The following SLC4A10 variants were observed in gnomAD, a reference collection of about 807,000 sequenced individuals.
SLC4A10 encodes solute carrier family 4 member 10.
SLC4A10 carries 42 observed loss-of-function variants against 137.7 expected under a neutral mutation model. That is an observed-to-expected ratio of 0.30 (90% CI 0.24 to 0.39). The LOEUF (loss-of-function observed/expected upper bound fraction) is 0.39. Ranked by LOEUF, SLC4A10 falls within the 10% of genes least tolerant of loss-of-function variation. The probability of loss-of-function intolerance (pLI) is 1.00; values close to 1 mark genes in which losing one functional copy is unlikely to be tolerated. For synonymous variants in SLC4A10, 474 were observed against 464.1 expected (o/e 1.02, Z -0.27); for missense variants, 925 against 1,355.0 (o/e 0.68, Z 4.98).
At chr2:161,977,861 G>A (rs1575975024) in intron 26 of SLC4A10, 101 bp downstream of exon 26, 2 of 1,142,474 alleles carry the variant, frequency 1.8e-6, no homozygotes, top group East Asian at 5.4e-5. Context: ...TGTGAGTTTT[G>A]GGGAGGCAAA....
At chr2:161,654,692 A>G (rs1388117216) in intron 1 of SLC4A10, among the ~76,000 whole-genome samples, 1 of 152,020 alleles carries the variant, frequency 6.6e-6, no homozygotes, top group Non-Finnish European at 1.5e-5. Context: ...CCTTATATGC[A>G]TGGGTTTATT....
intron 15 of SLC4A10, among the ~76,000 whole-genome samples, chr2:161,911,542 C>G (rs1024410839): frequency 6.6e-6 from 1 of 151,994 alleles, no homozygotes; most frequent in African/African-American, 2.4e-5. Context: ...CTGTTTCAAC[C>G]TTTTTAAATC....
chr2:161,922,470 C>A (rs1031239007), intron 15 of SLC4A10, among the ~76,000 whole-genome samples: 3 of 151,964 alleles, frequency 2.0e-5, no homozygotes, highest in African/African-American at 7.2e-5. Flanking sequence ...TTAATAGTAA[C>A]AATTTAATTA....
Position 161,894,577 on chromosome 2 carries a change from T to G in SLC4A10, c.1195-102T>G, listed in dbSNP as rs1238954447. On this transcript the variant is annotated intron_variant, in intron 10 of 26. Coordinates refer to ENST00000446997, the MANE Select transcript of SLC4A10 (RefSeq NM_001178015.2). ...AGTCAGAGCTGTCTATTTCTTCAAA[T>G]TGTTATAATCACATGTGAGATAACT... The G allele has an allele frequency of 1.1e-5, 6 of 533,754 alleles. No homozygotes were observed. The East Asian group carries it at 2.5e-4, about 22-fold the overall frequency. 33.1% of individuals were successfully genotyped at this position (533,754 alleles called of 1,614,324 possible). A position where few individuals can be genotyped will look rare whatever the true frequency, so the allele number is the denominator to read the frequency against.
chr2:161,745,786 G>A (rs1559155745), intron 1 of SLC4A10, among the ~76,000 whole-genome samples: 1 of 152,066 alleles, frequency 6.6e-6, no homozygotes, highest in Non-Finnish European at 1.5e-5. Flanking sequence ...TCTGCATTAG[G>A]GGAAACACCA....
chr2:161,921,670 G>A (rs923680565), intron 15 of SLC4A10, among the ~76,000 whole-genome samples: 13 of 152,228 alleles, frequency 8.5e-5, no homozygotes, highest in South Asian at 2.1e-4. Flanking sequence ...GAACCTTGTG[G>A]GACAAGTATT....
At chr2:161,638,856 G>C (rs532561295) in intron 1 of SLC4A10, among the ~76,000 whole-genome samples, 1 of 117,066 alleles carries the variant, frequency 8.5e-6, no homozygotes, top group Non-Finnish European at 1.8e-5. Flanking sequence ...TTTATTTATA[G>C]GTATTTCTTT....
intron 12 of SLC4A10, among the ~76,000 whole-genome samples, chr2:161,901,846 A>G (rs1342772898): frequency 6.6e-6 from 1 of 152,086 alleles, no homozygotes; most frequent in Non-Finnish European, 1.5e-5. Flanking sequence ...GATGGTTCAA[A>G]CAATTTTTTC....
chr2:161,650,199 T>C (rs1397082120), intron 1 of SLC4A10, among the ~76,000 whole-genome samples: 1 of 151,910 alleles, frequency 6.6e-6, no homozygotes, highest in African/African-American at 2.4e-5. Flanking sequence ...TTTTGAATAG[T>C]ACTGGTCAGA....
intron 2 of SLC4A10, among the ~76,000 whole-genome samples, chr2:161,792,181 T>C (rs1024855317): frequency 6.6e-6 from 1 of 152,158 alleles, no homozygotes; most frequent in African/African-American, 2.4e-5. Context: ...AACTGTGTAT[T>C]TGTGCGTATA....
At chr2:161,869,578 ATC>A (rs2060979927) in intron 6 of SLC4A10, among the ~76,000 whole-genome samples, 1 of 151,616 alleles carries the variant, frequency 6.6e-6, no homozygotes, top group African/African-American at 2.4e-5. Flanking sequence ...AATAACCCAA[ATC>A]AAACTTGTTA....
chr2:161,888,298 A>G (rs1448566228), intron 10 of SLC4A10, among the ~76,000 whole-genome samples: 1 of 152,134 alleles, frequency 6.6e-6, no homozygotes, highest in East Asian at 1.9e-4. Context: ...TTCCATATGA[A>G]ATTTAAAGTC....
chr2:161,966,743 A>AAAAAC (rs1697668239), intron 23 of SLC4A10, among the ~76,000 whole-genome samples: 1 of 149,812 alleles, frequency 6.7e-6, no homozygotes. Context: ...CTCAAAAAAA[A>AAAAAC]AAAAAACAAA....
At chr2:161,947,216 C>T (rs1693980027) in intron 16 of SLC4A10, among the ~76,000 whole-genome samples, 1 of 151,966 alleles carries the variant, frequency 6.6e-6, no homozygotes, top group African/African-American at 2.4e-5. Flanking sequence ...AGTGTCTGAC[C>T]TTAGTAACCA....
chr2:161,895,183 G>C (rs1049490319), intron 11 of SLC4A10, among the ~76,000 whole-genome samples: 2 of 151,074 alleles, frequency 1.3e-5, no homozygotes, highest in African/African-American at 4.9e-5. Context: ...TTGCCCTTGC[G>C]ATAGTTTACT....
chr2:161,753,100 G>T (rs911642561), intron 1 of SLC4A10, among the ~76,000 whole-genome samples: 1 of 152,150 alleles, frequency 6.6e-6, no homozygotes, highest in South Asian at 2.1e-4. Context: ...CCTATGCAGA[G>T]AAACAATTTA....
intron 2 of SLC4A10, among the ~76,000 whole-genome samples, chr2:161,772,675 G>A (rs1162629270): frequency 6.6e-6 from 1 of 151,764 alleles, no homozygotes. Flanking sequence ...CAGTGATTAA[G>A]TCATTGGTGA....
intron 15 of SLC4A10, among the ~76,000 whole-genome samples, chr2:161,910,288 A>G (rs1406853876): frequency 1.3e-5 from 2 of 152,120 alleles, no homozygotes; most frequent in African/African-American, 4.8e-5. Context: ...CAGACCTTAT[A>G]TTTGAAAATA....
intron 1 of SLC4A10, among the ~76,000 whole-genome samples, chr2:161,738,298 A>G (rs2047547762): frequency 6.6e-6 from 1 of 152,146 alleles, no homozygotes; most frequent in African/African-American, 2.4e-5. Context: ...ACTTTAGGCA[A>G]ATTATATTTA....
Sources: allele counts gnomAD v4.1 joint callset (sites outside exome capture counted in the v4.1 genomes callset), GRCh38; gene constraint gnomAD v4.1.1; transcripts MANE v1.5; gene names NCBI Gene and HGNC (gene_info 2026-07-23, HGNC 2026-07-21).